The following CRACR2B variants were observed in gnomAD, a reference collection of about 807,000 sequenced individuals.
CRACR2B encodes the protein calcium release activated channel regulator 2B.
Under a neutral mutation model 46.0 loss-of-function variants are expected in CRACR2B, and 50 were observed. The ratio of observed to expected loss-of-function variants is 1.09; its 90% CI spans 0.87 to 1.38. The LOEUF is 1.38. Ranked by LOEUF, CRACR2B falls within the 40% of genes most tolerant of loss-of-function variation. The probability of loss-of-function intolerance (pLI) is 0.00; values close to 1 mark genes in which losing one functional copy is unlikely to be tolerated. For missense variants in CRACR2B, 667 were observed against 535.0 expected (o/e 1.25, Z -2.43); for synonymous variants, 277 against 239.6 (o/e 1.16, Z -1.44).
At chr11:831,054 C>G (rs756366135) in intron 7 of CRACR2B, 22 bp downstream of exon 7, 95 of 1,535,652 alleles carry the variant, frequency 6.2e-5, no homozygotes, top group Non-Finnish European at 7.9e-5. Flanking sequence ...CGGGGCTGGG[C>G]GGGCCCCGGT....
chr11:829,846 A>T (rs1846245378), intron 3 of CRACR2B, 140 bp from the exon 4 acceptor site: 37 of 1,409,608 alleles, frequency 2.6e-5, no homozygotes, highest in Non-Finnish European at 3.4e-5. Flanking sequence ...GAAAGCGCTC[A>T]CGGGAGGGAT....
chr11:829,722 T>C (rs1846232232), intron 3 of CRACR2B, 182 bp downstream of exon 3: 1 of 1,028,376 alleles, frequency 9.7e-7, no homozygotes, highest in Admixed American at 3.2e-5. Flanking sequence ...AATTTGCATT[T>C]CATGAGGCAG....
At position 828,972 on chromosome 11, in the gene CRACR2B, G is replaced by C; in HGVS notation, c.277+9G>C. ...GTTCTGCCTGGGCCTGGGTGAGCCT[G>C]TGGCCTGCCTATCCCCCACTGCCCA... On this transcript the variant is annotated intron_variant, in intron 2 of 8. Transcript: ENST00000525077. 1 of 1,601,940 alleles carries C rather than the reference G, an allele frequency of 6.2e-7. No homozygotes were observed. Among genetic ancestry groups the C allele is most frequent in the South Asian group, 1.1e-5 (1 of 91,084 alleles).
Position 830,937 on chromosome 11 carries a change from G to C in CRACR2B, c.858G>C (p.Arg286=), listed in dbSNP as rs1846360703. 6 of 1,532,972 alleles carry C rather than the reference G, an allele frequency of 3.9e-6. No individual in the cohort carries two copies. The highest frequency in any genetic ancestry group is 5.2e-6 in the Non-Finnish European group (6 of 1,146,270). The allele number at this position is 1,532,972 out of a possible 1,614,324, so 95.0% of individuals were successfully genotyped here. A position where few individuals can be genotyped will look rare whatever the true frequency, so the allele number is the denominator to read the frequency against. ...EAQAQNSQLW[R]AHEALRTQLE... is the part of the protein sequence containing the mutation. ...AGGCCCAGAACTCCCAGCTGTGGCG[G>C]GCGCACGAGGCGCTGCGAACGCAGC... The change falls in exon 7 of 9, where the codon CGG becomes CGC. Residue 286 remains arginine, a synonymous_variant. Coordinates refer to ENST00000525077, the MANE Select transcript of CRACR2B (RefSeq NM_001286606.2).
At position 830,616 on chromosome 11, in the gene CRACR2B, C is replaced by G; in HGVS notation, c.694-5C>G. 2 of 1,549,352 alleles carry G rather than the reference C, an allele frequency of 1.3e-6. No individual in the cohort carries two copies. Among genetic ancestry groups the G allele is most frequent in the Non-Finnish European group, 1.7e-6 (2 of 1,146,746 alleles). ...GGAGGCTCAGTGGTCCTCCGTGCGT[C>G]CCAGAACTTCGCCCGCGGGGAGCGG... On this transcript the variant is annotated splice_region_variant and splice_polypyrimidine_tract_variant and intron_variant, in intron 5 of 8. Transcript: ENST00000525077.
At chr11:827,560 G>A (rs1483463692), upstream of CRACR2B, 24 of 984,942 alleles carry the variant, frequency 2.4e-5, no homozygotes, top group African/African-American at 1.2e-4. Context: ...CTGCTGCCGC[G>A]CGGCTTCCGG....
chr11:828,628 T>C lies in CRACR2B; in HGVS notation c.21T>C (p.Pro7=). ...CTCTCATGGCCAGCCCTGGAAAGCCTGGGGCTGATGAGGCCCAGGAGGAGG... is the reference window on the plus strand; with the variant it reads ...CTCTCATGGCCAGCCCTGGAAAGCCCGGGGCTGATGAGGCCCAGGAGGAGG... MASPGK[P]GADEAQEEEG... The change falls in exon 1 of 9, where the codon CCT becomes CCC. Residue 7 remains proline, a synonymous_variant. Transcript: ENST00000525077. 1 of 1,600,372 alleles carries C rather than the reference T, an allele frequency of 6.2e-7. No homozygotes were observed. Among genetic ancestry groups the C allele is most frequent in the Non-Finnish European group, 8.5e-7 (1 of 1,176,648 alleles).
intron 3 of CRACR2B, chr11:829,757 G>A (rs1678475335): frequency 1.3e-5 from 13 of 1,016,158 alleles, no homozygotes; most frequent in Non-Finnish European, 1.8e-5. Flanking sequence ...GGGAGGAGGG[G>A]CAGCGCCGGG....
rs879166604 is a variant in CRACR2B at position 831,908 on chromosome 11, CT to C, written c.*201del. The C allele has an allele frequency of 2.3e-5, 13 of 570,688 alleles. No homozygotes were observed. In the South Asian group the frequency reaches 3.4e-4, roughly 15 times the overall value. The allele number at this position is 570,688 out of a possible 1,614,324, so 35.4% of individuals were successfully genotyped here. Reference sequence around the variant, plus strand: ...GGTCCCGTGTGTGCCCTCTGCCAGTCTTCGCTCTGTCCCCGTTCAATCAACC... The same window carrying C: ...GGTCCCGTGTGTGCCCTCTGCCAGTCTCGCTCTGTCCCCGTTCAATCAACC... On this transcript the variant is annotated 3_prime_UTR_variant, in exon 9 of 9. Transcript: ENST00000525077.
upstream of CRACR2B, chr11:827,558 G>T (rs1385947109): frequency 1.1e-5 from 11 of 984,644 alleles, no homozygotes; most frequent in African/African-American, 1.7e-5. Context: ...CCCTGCTGCC[G>T]CGCGGCTTCC....
intron 3 of CRACR2B, 88 bp from the exon 4 acceptor site, chr11:829,898 A>G: frequency 6.8e-7 from 1 of 1,475,410 alleles, no homozygotes; most frequent in Non-Finnish European, 9.0e-7. Context: ...CCAGGGGCGA[A>G]GAAGTCTCCT....
intron 3 of CRACR2B, 83 bp downstream of exon 3, chr11:829,623 T>A: frequency 7.2e-7 from 1 of 1,388,932 alleles, no homozygotes; most frequent in Non-Finnish European, 9.6e-7. Flanking sequence ...ACCCGAGTGC[T>A]GGTTCTGCAC....
At position 831,522 on chromosome 11, in the gene CRACR2B, C is replaced by T. The variant is rs200752785; in HGVS notation, c.1026-13C>T. 1.5e-4 allele frequency: 241 copies of T among 1,572,318 alleles called. No homozygotes were observed. Among genetic ancestry groups the T allele is most frequent in the Non-Finnish European group, 2.0e-4 (230 of 1,161,338 alleles). Reference sequence around the variant, plus strand: ...CCTCAGACCCTCTCAGTGTCGGACTCCTCCTTCCCTAGGGAGCTGAATACA... The same window carrying T: ...CCTCAGACCCTCTCAGTGTCGGACTTCTCCTTCCCTAGGGAGCTGAATACA... On this transcript the variant is annotated splice_polypyrimidine_tract_variant and intron_variant, in intron 8 of 8. Coordinates refer to ENST00000525077, the MANE Select transcript of CRACR2B (RefSeq NM_001286606.2).
rs1035687582 is a variant in CRACR2B at position 831,761 on chromosome 11, G to A, written c.*52G>A. 9 of 1,463,166 alleles carry A rather than the reference G, an allele frequency of 6.2e-6. No individual in the cohort carries two copies. The African/African-American group carries it at 1.2e-4, about 19-fold the overall frequency. 90.6% of individuals were successfully genotyped at this position (1,463,166 alleles called of 1,614,324 possible). A position where few individuals can be genotyped will look rare whatever the true frequency, so the allele number is the denominator to read the frequency against. The stretch of plus-strand genomic sequence containing the variant: ...GAGCTAGAAGCTGCCCTTGCAGGAG[G>A]CTTGTCATGGGTCGGGGGTGCCCAC... On this transcript the variant is annotated 3_prime_UTR_variant, in exon 9 of 9. Coordinates refer to ENST00000525077, the MANE Select transcript of CRACR2B (RefSeq NM_001286606.2).
chr11:829,899 G>A, intron 3 of CRACR2B, 87 bp from the exon 4 acceptor site: 7 of 1,476,794 alleles, frequency 4.7e-6, no homozygotes, highest in Non-Finnish European at 6.3e-6. Context: ...CAGGGGCGAA[G>A]AAGTCTCCTA....
intron 8 of CRACR2B, 25 bp from the exon 9 acceptor site, chr11:831,510 C>T: frequency 1.9e-6 from 3 of 1,555,402 alleles, no homozygotes; most frequent in Non-Finnish European, 1.7e-6. Flanking sequence ...CAGACCCTCT[C>T]AGTGTCGGAC....
rs1846232409 is a variant in CRACR2B at position 829,723 on chromosome 11, C to A, written c.458+183C>A. The A allele has an allele frequency of 2.3e-5, 23 of 1,018,826 alleles. No homozygotes were observed. In the South Asian group the frequency reaches 3.8e-4, roughly 17 times the overall value. The allele number at this position is 1,018,826 out of a possible 1,614,324, so 63.1% of individuals were successfully genotyped here. A position where few individuals can be genotyped will look rare whatever the true frequency, so the allele number is the denominator to read the frequency against. On this transcript the variant is annotated intron_variant, in intron 3 of 8. Transcript: ENST00000525077. ...ATGATTTCCCGCAGAATTTGCATTT[C>A]ATGAGGCAGCAGCCAGGGCTGCAGG...
rs758273660 is a variant in CRACR2B at position 831,676 on chromosome 11, A to G, written c.1167A>G (p.Arg389=). The G allele has an allele frequency of 2.8e-5, 42 of 1,526,026 alleles. No homozygotes were observed. The highest frequency in any genetic ancestry group is 3.5e-5 in the Non-Finnish European group (40 of 1,143,586). 94.5% of individuals were successfully genotyped at this position (1,526,026 alleles called of 1,614,324 possible). ...GCTGTTGCTGGGCTCGGCCCCCCAG[A>G]CGCGGCTCTGGCCACCTTCCCAGTG... ...CCCCCWARPP[R]RGSGHLPSAR The change falls in exon 9 of 9, where the codon AGA becomes AGG. Residue 389 remains arginine (R), a synonymous_variant. Coordinates refer to ENST00000525077, the MANE Select transcript of CRACR2B (RefSeq NM_001286606.2).
chr11:831,074 G>C, intron 7 of CRACR2B, 42 bp downstream of exon 7: 2 of 1,538,594 alleles, frequency 1.3e-6, no homozygotes, highest in Non-Finnish European at 1.7e-6. Flanking sequence ...TGCGTGTCCC[G>C]GGGGCGGGGC....
Sources: gnomAD v4.1 joint callset for allele counts on GRCh38, gnomAD v4.1.1 for gene constraint, MANE v1.5 for transcripts, NCBI Gene and HGNC (gene_info 2026-07-23, HGNC 2026-07-21) for gene names.